MAPKAP1: variants seen among roughly 807,000 people sequenced by gnomAD.
MAPKAP1 encodes the protein target of rapamycin complex 2 subunit MAPKAP1.
MAPKAP1 carries 20 observed loss-of-function variants against 65.7 expected under a neutral mutation model. That is an observed-to-expected ratio of 0.30 (90% CI 0.21 to 0.44). The LOEUF (loss-of-function observed/expected upper bound fraction) is 0.44. Ranked by LOEUF, MAPKAP1 falls within the 20% of genes least tolerant of loss-of-function variation. The pLI is 1.00. For synonymous variants in MAPKAP1, 222 were observed against 244.3 expected, an observed-to-expected ratio of 0.91 and a Z score of 0.85; for missense variants, 423 against 648.0, an observed-to-expected ratio of 0.65 and a Z score of 3.77.
At chr9:125,489,354 T>C (rs1300249671) in intron 8 of MAPKAP1, among the ~76,000 whole-genome samples, 1 of 152,200 alleles carries the variant, frequency 6.6e-6, no homozygotes, top group Non-Finnish European at 1.5e-5. Flanking sequence ...ATTGTTATGG[T>C]GCCTTCAAAG....
chr9:125,705,899 GGT>G (rs1197504371), intron 1 of MAPKAP1, among the ~76,000 whole-genome samples: 1 of 152,126 alleles, frequency 6.6e-6, no homozygotes, highest in Non-Finnish European at 1.5e-5. Context: ...ATCAGGATGG[GGT>G]AATTAAAGAA....
At chr9:125,506,103 A>G (rs1829131397) in intron 8 of MAPKAP1, 1 of 614,786 alleles carries the variant, frequency 1.6e-6, no homozygotes, top group East Asian at 2.9e-5. Flanking sequence ...ACAGAGTGCT[A>G]AACAGGATGC....
At chr9:125,556,126 G>T (rs1830727885) in intron 6 of MAPKAP1, among the ~76,000 whole-genome samples, 2 of 152,320 alleles carry the variant, frequency 1.3e-5, no homozygotes, top group South Asian at 4.1e-4. Flanking sequence ...TGTTCTAAGT[G>T]CTTCAGATCT....
intron 4 of MAPKAP1, chr9:125,596,517 A>G: frequency 1.4e-6 from 1 of 729,038 alleles, no homozygotes; most frequent in Non-Finnish European, 2.5e-6. Context: ...TTGGAGGCAG[A>G]AGCTCTGGCA....
intron 5 of MAPKAP1, among the ~76,000 whole-genome samples, chr9:125,571,496 G>A (rs1831230153): frequency 6.6e-6 from 1 of 152,250 alleles, no homozygotes; most frequent in Middle Eastern, 3.4e-3. Context: ...ATATCTAATA[G>A]AACATAAGTT....
At chr9:125,544,464 G>C (rs995474095) in intron 6 of MAPKAP1, among the ~76,000 whole-genome samples, 1 of 152,066 alleles carries the variant, frequency 6.6e-6, no homozygotes, top group Non-Finnish European at 1.5e-5. Context: ...TGGGGGAAAG[G>C]CTTCATCTAG....
chr9:125,696,174 G>A (rs537016842), intron 1 of MAPKAP1: 4 of 152,026 alleles, frequency 2.6e-5, no homozygotes, highest in Non-Finnish European at 5.9e-5. Flanking sequence ...AATAAAATAA[G>A]TGAGACAGAC....
intron 7 of MAPKAP1, among the ~76,000 whole-genome samples, chr9:125,536,579 T>C (rs1029856969): frequency 7.8e-6 from 1 of 127,822 alleles, no homozygotes; most frequent in Non-Finnish European, 1.7e-5. Context: ...AGTTCTATTT[T>C]CCATTTATTC....
At chr9:125,547,240 G>A (rs932418821) in intron 6 of MAPKAP1, among the ~76,000 whole-genome samples, 3 of 152,148 alleles carry the variant, frequency 2.0e-5, no homozygotes, top group Non-Finnish European at 4.4e-5. Context: ...GAGGCAATGG[G>A]AGCCACGGAG....
At chr9:125,549,289 T>C (rs950326555) in intron 6 of MAPKAP1, among the ~76,000 whole-genome samples, 2 of 152,230 alleles carry the variant, frequency 1.3e-5, no homozygotes, top group African/African-American at 2.4e-5. Flanking sequence ...TCCTGACCAG[T>C]TCCCAATAGT....
At chr9:125,697,187 C>T (rs1028681804) in intron 1 of MAPKAP1, among the ~76,000 whole-genome samples, 3 of 152,148 alleles carry the variant, frequency 2.0e-5, no homozygotes, top group African/African-American at 7.2e-5. Context: ...CATATGAAAC[C>T]ATGTTCTAAG....
At chr9:125,683,351 G>C (rs1834879767) in intron 1 of MAPKAP1, among the ~76,000 whole-genome samples, 1 of 152,142 alleles carries the variant, frequency 6.6e-6, no homozygotes, top group Non-Finnish European at 1.5e-5. Flanking sequence ...CAAAGGTGAT[G>C]GGACAGTCAT....
At chr9:125,537,040 T>G (rs1472085884) in intron 7 of MAPKAP1, among the ~76,000 whole-genome samples, 1 of 152,238 alleles carries the variant, frequency 6.6e-6, no homozygotes, top group African/African-American at 2.4e-5. Context: ...TCAGAATCAA[T>G]GAACATTTCT....
At chr9:125,566,369 A>T (rs993321599) in intron 5 of MAPKAP1, among the ~76,000 whole-genome samples, 1 of 152,178 alleles carries the variant, frequency 6.6e-6, no homozygotes, top group Non-Finnish European at 1.5e-5. Context: ...GTTTGAGACT[A>T]GCCTGGGCAA....
chr9:125,551,348 A>G (rs1830578920), intron 6 of MAPKAP1, among the ~76,000 whole-genome samples: 2 of 152,202 alleles, frequency 1.3e-5, no homozygotes, highest in Admixed American at 1.3e-4. Flanking sequence ...AGCCCAGTAA[A>G]GAGCATGAAT....
chr9:125,498,930 C>T (rs1447436295), intron 8 of MAPKAP1, among the ~76,000 whole-genome samples: 1 of 152,208 alleles, frequency 6.6e-6, no homozygotes, highest in African/African-American at 2.4e-5. Flanking sequence ...TGTGCCCCAT[C>T]TGCTCTACCA....
chr9:125,691,134 G>A (rs1180189749), intron 1 of MAPKAP1, among the ~76,000 whole-genome samples: 4 of 152,064 alleles, frequency 2.6e-5, no homozygotes, highest in Non-Finnish European at 4.4e-5. Flanking sequence ...GGTGGCGGGC[G>A]CCTGTAGTCC....
chr9:125,616,558 A>G (rs1044110359), intron 4 of MAPKAP1, among the ~76,000 whole-genome samples: 5 of 152,200 alleles, frequency 3.3e-5, no homozygotes, highest in African/African-American at 1.2e-4. Flanking sequence ...TAGTTCACAC[A>G]GAAGAGGAAA....
At chr9:125,604,686 G>A (rs1399996683) in intron 4 of MAPKAP1, among the ~76,000 whole-genome samples, 1 of 152,212 alleles carries the variant, frequency 6.6e-6, no homozygotes, top group African/African-American at 2.4e-5. Flanking sequence ...CAGCACAGAT[G>A]TACCAAATTT....
Sources: allele counts gnomAD v4.1 joint callset (sites outside exome capture counted in the v4.1 genomes callset), GRCh38; gene constraint gnomAD v4.1.1; transcripts MANE v1.5; gene names NCBI Gene and HGNC (gene_info 2026-07-23, HGNC 2026-07-21).